Variants in ERP27 observed in about 807,000 individuals in gnomAD.
ERP27 encodes endoplasmic reticulum protein 27, also known as endoplasmic reticulum resident protein 27.
In ERP27, 23 loss-of-function variants were observed where a neutral mutation model predicts 27.7. That is an observed-to-expected ratio of 0.83 (90% CI 0.60 to 1.18). ERP27 has a LOEUF of 1.18. Among genes scored for constraint, ERP27 ranks in the 50% most tolerant of loss-of-function variants. The probability of loss-of-function intolerance (pLI) is 0.00; values close to 1 mark genes in which losing one functional copy is unlikely to be tolerated. For missense variants in ERP27, 363 were observed against 327.9 expected (o/e 1.11, Z -0.83); for synonymous variants, 159 against 118.3 (o/e 1.34, Z -2.23).
rs764942514 is a variant in ERP27 at position 14,938,028 on chromosome 12, G to C, written c.119C>G (p.Pro40Arg). 25 of 1,613,938 alleles carry C rather than the reference G, an allele frequency of 1.5e-5. No individual in the cohort carries two copies. Among genetic ancestry groups the C allele is most frequent in the Middle Eastern group, 1.6e-4 (1 of 6,082 alleles). ...AGCTGGGACATCTGTGAGCCACGTGGGTTCCTGGGCAGCACCAGGACCATC... is the reference window on the plus strand; with the variant it reads ...AGCTGGGACATCTGTGAGCCACGTGCGTTCCTGGGCAGCACCAGGACCATC... ...SSDGPGAAQEPTWLTDVPAAM... is the reference protein window; with the variant it reads ...SSDGPGAAQERTWLTDVPAAM... Residue 40 changes from proline (P) to arginine (R), a missense_variant, in exon 2 of 7, where the codon CCC (proline) becomes CGC (arginine). Coordinates refer to ENST00000266397, the MANE Select transcript of ERP27 (RefSeq NM_152321.4).
intron 3 of ERP27, among the ~76,000 whole-genome samples, chr12:14,927,052 G>A (rs541923148): frequency 6.6e-6 from 1 of 152,116 alleles, no homozygotes; most frequent in Admixed American, 6.5e-5. Flanking sequence ...GAATTCTAAC[G>A]TTGGCAGTGA....
chr12:14,931,131 G>A (rs1863690715), intron 3 of ERP27, among the ~76,000 whole-genome samples: 1 of 151,974 alleles, frequency 6.6e-6, no homozygotes, highest in African/African-American at 2.4e-5. Flanking sequence ...GTGAGATTTT[G>A]GGCAACTAAA....
At chr12:14,934,809 A>G in intron 3 of ERP27, 47 bp downstream of exon 3, 7 of 1,611,602 alleles carry the variant, frequency 4.3e-6, no homozygotes, top group Non-Finnish European at 5.9e-6. Context: ...TGAGTCCACA[A>G]CCCAGTGAAA....
intron 6 of ERP27, among the ~76,000 whole-genome samples, chr12:14,915,075 C>G (rs1360093205): frequency 1.3e-5 from 2 of 152,086 alleles, no homozygotes; most frequent in Admixed American, 6.5e-5. Context: ...TAGTAGAGCC[C>G]AAATAATTTT....
At chr12:14,920,181 A>G (rs897865942) in intron 4 of ERP27, among the ~76,000 whole-genome samples, 2 of 152,258 alleles carry the variant, frequency 1.3e-5, no homozygotes, top group African/African-American at 2.4e-5. Flanking sequence ...AGTCTATAGA[A>G]AGTGTTAGAA....
intron 3 of ERP27, among the ~76,000 whole-genome samples, chr12:14,931,762 T>C (rs1245994109): frequency 6.6e-6 from 1 of 151,848 alleles, no homozygotes; most frequent in East Asian, 1.9e-4. Context: ...TTGTTTTTCT[T>C]CCCCATGTGC....
Position 14,928,829 on chromosome 12 carries a change from C to T in ERP27, c.333+6027G>A, listed in dbSNP as rs1478444734. The T allele has an allele frequency of 6.6e-6, 7 of 1,060,530 alleles. No individual in the cohort carries two copies. The African/African-American group carries it at 1.1e-4, about 17-fold the overall frequency. 65.7% of individuals were successfully genotyped at this position (1,060,530 alleles called of 1,614,324 possible). A position where few individuals can be genotyped will look rare whatever the true frequency, so the allele number is the denominator to read the frequency against. The stretch of plus-strand genomic sequence containing the variant: ...CTTAGGTAGATCCTTGCCCACCCTC[C>T]TACCACCTCCTTCCCCTTCCCTTGC... On this transcript the variant is annotated intron_variant, in intron 3 of 6. Coordinates refer to ENST00000266397, the MANE Select transcript of ERP27 (RefSeq NM_152321.4).
Position 14,929,163 on chromosome 12 carries a change from G to T in ERP27, c.333+5693C>A, listed in dbSNP as rs180704603. The T allele has an allele frequency of 9.7e-5, 135 of 1,391,716 alleles. No individual in the cohort carries two copies. The East Asian group carries it at 2.7e-3, about 28-fold the overall frequency. 86.2% of individuals were successfully genotyped at this position (1,391,716 alleles called of 1,614,324 possible). On this transcript the variant is annotated intron_variant, in intron 3 of 6. Transcript: ENST00000266397. ...TCCCCCCCTCCCTGTACTCTTTTCC[G>T]GGCAGTCCTTCATACTTCCCAGAAC...
chr12:14,924,158 T>C (rs956137648), intron 3 of ERP27, among the ~76,000 whole-genome samples: 1 of 152,216 alleles, frequency 6.6e-6, no homozygotes, highest in African/African-American at 2.4e-5. Flanking sequence ...TTATTTCACT[T>C]AACATAATGT....
At chr12:14,917,540 A>G (rs1863431201) in intron 4 of ERP27, among the ~76,000 whole-genome samples, 1 of 152,172 alleles carries the variant, frequency 6.6e-6, no homozygotes, top group South Asian at 2.1e-4. Flanking sequence ...ACAATGTTGC[A>G]GAAATGATGG....
At chr12:14,925,739 A>T (rs766436210) in intron 3 of ERP27, among the ~76,000 whole-genome samples, 1 of 152,002 alleles carries the variant, frequency 6.6e-6, no homozygotes, top group Non-Finnish European at 1.5e-5. Context: ...GAAATTTTCT[A>T]TATCTTTCTT....
At chr12:14,932,413 G>T (rs1045999228) in intron 3 of ERP27, among the ~76,000 whole-genome samples, 2 of 152,116 alleles carry the variant, frequency 1.3e-5, no homozygotes, top group Non-Finnish European at 1.5e-5. Flanking sequence ...TTGGCGGGTG[G>T]TGGCATTCTA....
chr12:14,920,390 A>T (rs1453567991), intron 4 of ERP27, among the ~76,000 whole-genome samples: 1 of 152,200 alleles, frequency 6.6e-6, no homozygotes, highest in Non-Finnish European at 1.5e-5. Context: ...ACATACAGAA[A>T]ATGAAATGGT....
At chr12:14,935,542 T>A (rs1863761402) in intron 2 of ERP27, among the ~76,000 whole-genome samples, 1 of 152,196 alleles carries the variant, frequency 6.6e-6, no homozygotes, top group Non-Finnish European at 1.5e-5. Flanking sequence ...AACAACTAAC[T>A]ATGTAGTGCT....
At chr12:14,921,606 T>C (rs1238074026) in intron 3 of ERP27, among the ~76,000 whole-genome samples, 1 of 152,232 alleles carries the variant, frequency 6.6e-6, no homozygotes, top group Non-Finnish European at 1.5e-5. Flanking sequence ...ATTATATTTA[T>C]GTACCCTTTT....
intron 3 of ERP27, chr12:14,928,835 C>A (rs1021931733): frequency 5.3e-6 from 6 of 1,123,974 alleles, no homozygotes; most frequent in Non-Finnish European, 7.7e-6. Context: ...CCTCCTACCA[C>A]CTCCTTCCCC....
At chr12:14,921,975 C>T (rs902670252) in intron 3 of ERP27, among the ~76,000 whole-genome samples, 2 of 152,138 alleles carry the variant, frequency 1.3e-5, no homozygotes, top group African/African-American at 4.8e-5. Context: ...TATGTTATTG[C>T]ATGTAGCTGT....
Position 14,929,145 on chromosome 12 carries a change from C to G in ERP27, c.333+5711G>C, listed in dbSNP as rs919418768. 88 of 1,421,518 alleles carry G rather than the reference C, an allele frequency of 6.2e-5. 1 individual carries two copies. The South Asian group carries it at 8.8e-4, about 14-fold the overall frequency. The allele number at this position is 1,421,518 out of a possible 1,614,324, so 88.1% of individuals were successfully genotyped here. A position where few individuals can be genotyped will look rare whatever the true frequency, so the allele number is the denominator to read the frequency against. The stretch of plus-strand genomic sequence containing the variant: ...CTGTGCATGGATCAAGAATCCCCCC[C>G]TCCCTGTACTCTTTTCCGGGCAGTC... On this transcript the variant is annotated intron_variant, in intron 3 of 6. Coordinates refer to ENST00000266397, the MANE Select transcript of ERP27 (RefSeq NM_152321.4).
rs546528853 is a variant in ERP27 at position 14,919,363 on chromosome 12, C to T, written c.450+1569G>A. On this transcript the variant is annotated intron_variant, in intron 4 of 6. Coordinates refer to ENST00000266397, the MANE Select transcript of ERP27 (RefSeq NM_152321.4). ...TGAGAGACAGATCAGGCATAAGAAA[C>T]CAGGAAGGTTAGTGCATGCCCCTGC... Among the ~76,000 whole-genome samples the T allele has an allele frequency of 5.9e-5, 9 of 152,168 alleles. No homozygotes were observed. The South Asian group carries it at 8.3e-4, about 14-fold the overall frequency.
Sources: allele counts gnomAD v4.1 joint callset (sites outside exome capture counted in the v4.1 genomes callset), GRCh38; gene constraint gnomAD v4.1.1; transcripts MANE v1.5; gene names NCBI Gene and HGNC (gene_info 2026-07-23, HGNC 2026-07-21).